Variants in CDH13 observed in about 807,000 individuals in gnomAD.
CDH13 encodes the protein cadherin-13.
CDH13 carries 24 observed loss-of-function variants against 63.8 expected under a neutral mutation model. The observed-to-expected ratio is 0.38, with a 90% CI of 0.27 to 0.53. The LOEUF is 0.53. Ranked by LOEUF, CDH13 falls within the 20% of genes least tolerant of loss-of-function variation. The pLI, the probability that CDH13 is intolerant of heterozygous loss-of-function variation, is 0.85. For synonymous variants in CDH13, 503 were observed against 355.3 expected (o/e 1.42, Z -4.67); for missense variants, 1,049 against 903.1 (o/e 1.16, Z -2.07).
intron 2 of CDH13, chr16:82,953,600 C>T (rs1250467105): frequency 6.6e-6 from 1 of 152,044 alleles, no homozygotes; most frequent in African/African-American, 2.4e-5. Context: ...GTTATATGTG[C>T]CTTTGATTAA....
chr16:83,693,246 A>G (rs903794476), intron 10 of CDH13, among the ~76,000 whole-genome samples: 2 of 152,186 alleles, frequency 1.3e-5, no homozygotes, highest in African/African-American at 4.8e-5. Context: ...AAACATGGGG[A>G]GGAATAGTAA....
intron 6 of CDH13, among the ~76,000 whole-genome samples, chr16:83,398,896 A>T (rs1301297254): frequency 6.6e-6 from 1 of 152,216 alleles, no homozygotes; most frequent in African/African-American, 2.4e-5. Flanking sequence ...CTAACCCTTA[A>T]TTATTTGCAG....
intron 2 of CDH13, among the ~76,000 whole-genome samples, chr16:83,026,598 C>T (rs1159526874): frequency 6.6e-6 from 1 of 151,448 alleles, no homozygotes; most frequent in Non-Finnish European, 1.5e-5. Context: ...GGAATAGTGG[C>T]AATTAGAAAA....
Position 83,563,499 on chromosome 16 carries a change from A to C in CDH13, c.961-38955A>C, listed in dbSNP as rs1318605765. On this transcript the variant is annotated intron_variant, in intron 7 of 13. Transcript: ENST00000567109. ...ATTTGGTTTGAGATGTTCAGAATTT[A>C]ATGTTGACTAAATTGGTTAATCTGA... Among the ~76,000 whole-genome samples the C allele has an allele frequency of 3.9e-5, 6 of 152,230 alleles. 1 individual carries two copies. Among genetic ancestry groups the C allele is most frequent in the Admixed American group, 3.9e-4 (6 of 15,288 alleles).
chr16:83,292,505 C>T (rs997762504), intron 5 of CDH13, among the ~76,000 whole-genome samples: 4 of 152,048 alleles, frequency 2.6e-5, no homozygotes, highest in South Asian at 2.1e-4. Context: ...TGGGCCACAG[C>T]GACAAAAAGT....
At chr16:83,492,572 A>G (rs1250160929) in intron 7 of CDH13, among the ~76,000 whole-genome samples, 1 of 152,222 alleles carries the variant, frequency 6.6e-6, no homozygotes, top group African/African-American at 2.4e-5. Context: ...TATTTTTAAA[A>G]TAATGCATTA....
chr16:82,996,813 GTGA>G (rs1567728178), intron 2 of CDH13, among the ~76,000 whole-genome samples: 2 of 150,738 alleles, frequency 1.3e-5, no homozygotes, highest in Admixed American at 6.7e-5. Flanking sequence ...GGTGATGGTG[GTGA>G]TGATGATAGT....
At chr16:82,670,150 G>C (rs143625333) in intron 1 of CDH13, among the ~76,000 whole-genome samples, 1 of 152,304 alleles carries the variant, frequency 6.6e-6, no homozygotes, top group African/African-American at 2.4e-5. Flanking sequence ...CAGTGCCTGA[G>C]AATTTACTGG....
chr16:83,079,285 C>T (rs2033072509), intron 3 of CDH13, among the ~76,000 whole-genome samples: 1 of 152,160 alleles, frequency 6.6e-6, no homozygotes, highest in Non-Finnish European at 1.5e-5. Context: ...TGAACGAACA[C>T]ACCTTCTTTT....
At chr16:83,430,158 G>T (rs920042481) in intron 6 of CDH13, among the ~76,000 whole-genome samples, 1 of 152,294 alleles carries the variant, frequency 6.6e-6, no homozygotes, top group East Asian at 1.9e-4. Flanking sequence ...TCTTGAGGAC[G>T]TATTAGGGCT....
At chr16:82,912,399 C>G (rs2041858675) in intron 2 of CDH13, among the ~76,000 whole-genome samples, 2 of 152,140 alleles carry the variant, frequency 1.3e-5, no homozygotes, top group African/African-American at 2.4e-5. Context: ...TTGTAGAGTT[C>G]AGATAATCAT....
At chr16:83,284,180 A>T (rs2089252937) in intron 5 of CDH13, among the ~76,000 whole-genome samples, 1 of 152,176 alleles carries the variant, frequency 6.6e-6, no homozygotes, top group African/African-American at 2.4e-5. Flanking sequence ...GTTCTGGGGA[A>T]GTGTTGGACT....
rs1229492514 is a variant in CDH13, at chr16:83,004,626, C to T, written c.158-27384C>T. ...GATTCTCGTGCCTCAGCTTCCCAAGCAGCTAGGACTACAGGTGCCCGCCAC... is the reference window on the plus strand; with the variant it reads ...GATTCTCGTGCCTCAGCTTCCCAAGTAGCTAGGACTACAGGTGCCCGCCAC... On this transcript the variant is annotated intron_variant, in intron 2 of 13. Transcript: ENST00000567109. 2.0e-5 allele frequency among the ~76,000 whole-genome samples: 3 copies of T among 152,004 alleles called. No individual in the cohort carries two copies. The East Asian group carries it at 5.8e-4, about 29-fold the overall frequency.
intron 1 of CDH13, among the ~76,000 whole-genome samples, chr16:82,683,437 A>G (rs191393375): frequency 5.5e-4 from 84 of 152,302 alleles, no homozygotes; most frequent in Non-Finnish European, 7.3e-4. Flanking sequence ...GCCCGATGCA[A>G]TGTCACCCCA....
intron 4 of CDH13, among the ~76,000 whole-genome samples, chr16:83,174,158 C>G (rs1416769111): frequency 1.3e-5 from 2 of 152,048 alleles, no homozygotes; most frequent in Non-Finnish European, 2.9e-5. Context: ...GAGGGCTTAT[C>G]AAGCTTAGGA....
chr16:83,169,761 T>C lies in CDH13; in HGVS notation c.483+44260T>C, dbSNP rs947575035. On this transcript the variant is annotated intron_variant, in intron 4 of 13. Transcript: ENST00000567109. ...TTTGAATTAATTGGATTTGATGTTT[T>C]GAAATACTGAATTTTTAAATCTTTA... Among the ~76,000 whole-genome samples, 4 of 152,230 alleles carry C rather than the reference T, an allele frequency of 2.6e-5. No homozygotes were observed. The East Asian group carries it at 7.7e-4, about 29-fold the overall frequency.
intron 1 of CDH13, among the ~76,000 whole-genome samples, chr16:82,798,648 A>G (rs2036703169): frequency 1.3e-5 from 2 of 152,092 alleles, no homozygotes; most frequent in Non-Finnish European, 2.9e-5. Context: ...ACAAGCACAA[A>G]TGTCCATAGG....
intron 7 of CDH13, among the ~76,000 whole-genome samples, chr16:83,557,589 C>T (rs1449871268): frequency 1.3e-5 from 2 of 152,248 alleles, no homozygotes; most frequent in African/African-American, 4.8e-5. Context: ...ATCTAAAAGT[C>T]GGCCATCAGG....
At chr16:82,964,512 A>C (rs890881941) in intron 2 of CDH13, among the ~76,000 whole-genome samples, 2 of 152,210 alleles carry the variant, frequency 1.3e-5, no homozygotes, top group Admixed American at 1.3e-4. Context: ...AGGGCCACAC[A>C]GGTTTTCTTT....
Sources: allele counts gnomAD v4.1 joint callset (sites outside exome capture counted in the v4.1 genomes callset), GRCh38; gene constraint gnomAD v4.1.1; transcripts MANE v1.5; gene names NCBI Gene and HGNC (gene_info 2026-07-23, HGNC 2026-07-21).